CACNA1A: variants seen among roughly 807,000 people sequenced by gnomAD.
CACNA1A encodes the protein voltage-dependent P/Q-type calcium channel subunit alpha-1A.
In CACNA1A, 57 loss-of-function variants were observed where a neutral mutation model predicts 262.4. That is an observed-to-expected ratio of 0.22 (90% CI 0.18 to 0.27). CACNA1A has a LOEUF of 0.27. CACNA1A is among the 10% of genes least tolerant of loss of function. The probability of loss-of-function intolerance (pLI) is 1.00; values close to 1 mark genes in which losing one functional copy is unlikely to be tolerated. For missense variants in CACNA1A, 2,526 were observed against 3,562.8 expected, an observed-to-expected ratio of 0.71 and a Z score of 7.41; for synonymous variants, 1,431 against 1,419.3, an observed-to-expected ratio of 1.01 and a Z score of -0.18.
At chr19:13,226,762 G>A (rs956961825) in intron 37 of CACNA1A, among the ~76,000 whole-genome samples, 5 of 152,278 alleles carry the variant, frequency 3.3e-5, no homozygotes, top group South Asian at 2.1e-4. Context: ...GTGTGCCACC[G>A]TCCAGGGGTC....
intron 3 of CACNA1A, among the ~76,000 whole-genome samples, chr19:13,403,206 C>G (rs965134659): frequency 6.6e-6 from 1 of 151,924 alleles, no homozygotes; most frequent in Admixed American, 6.6e-5. Context: ...AGAGGGTCTC[C>G]TCATCACCTA....
intron 1 of CACNA1A, among the ~76,000 whole-genome samples, chr19:13,499,365 C>T (rs1296606958): frequency 1.4e-5 from 2 of 142,300 alleles, no homozygotes; most frequent in Non-Finnish European, 3.0e-5. Context: ...CCAGAGAGAA[C>T]GGAGAATGCA....
Position 13,327,320 on chromosome 19 carries a change from T to C in CACNA1A, c.1345+2924A>G, listed in dbSNP as rs1600339537. 2.0e-5 allele frequency among the ~76,000 whole-genome samples: 3 copies of C among 151,840 alleles called. No individual in the cohort carries two copies. In the South Asian group the frequency reaches 6.2e-4, roughly 32 times the overall value. The stretch of plus-strand genomic sequence containing the variant: ...GGGCTCCTTTCTTTGTCTTTTTGAG[T>C]AATCAGGCTGATGAGGTGGGTTTTG... On this transcript the variant is annotated intron_variant, in intron 10 of 46. Transcript: ENST00000360228.
At chr19:13,385,494 C>T (rs2144625393) in intron 3 of CACNA1A, among the ~76,000 whole-genome samples, 1 of 152,098 alleles carries the variant, frequency 6.6e-6, no homozygotes, top group African/African-American at 2.4e-5. Context: ...TCCCAAAGTG[C>T]TGGGATTACA....
intron 3 of CACNA1A, among the ~76,000 whole-genome samples, chr19:13,375,655 G>A (rs1424308877): frequency 6.6e-6 from 1 of 152,090 alleles, no homozygotes; most frequent in Non-Finnish European, 1.5e-5. Flanking sequence ...GGGTGTGGTG[G>A]TGCACACCTG....
chr19:13,328,945 T>C (rs994761018), intron 10 of CACNA1A, among the ~76,000 whole-genome samples: 2 of 151,940 alleles, frequency 1.3e-5, no homozygotes, highest in African/African-American at 4.8e-5. Context: ...TCTCTTGCCA[T>C]CCTTTCTTCC....
chr19:13,337,399 T>A (rs564808598), intron 6 of CACNA1A, among the ~76,000 whole-genome samples: 103 of 152,284 alleles, frequency 6.8e-4, no homozygotes, highest in Admixed American at 4.6e-4. Context: ...TGTTTAAACA[T>A]GGCATTCTTC....
At chr19:13,408,934 C>T (rs1027549927) in intron 3 of CACNA1A, among the ~76,000 whole-genome samples, 5 of 152,100 alleles carry the variant, frequency 3.3e-5, no homozygotes, top group Non-Finnish European at 7.4e-5. Flanking sequence ...GGGTCATGAG[C>T]TCTATTAAAA....
chr19:13,376,957 TTA>T (rs796209883), intron 3 of CACNA1A, among the ~76,000 whole-genome samples: 14 of 141,100 alleles, frequency 9.9e-5, no homozygotes, highest in Middle Eastern at 3.7e-3. Flanking sequence ...ATATAACATG[TTA>T]TATATATATA....
chr19:13,217,383 G>A (rs771728126), intron 38 of CACNA1A, among the ~76,000 whole-genome samples: 2 of 152,214 alleles, frequency 1.3e-5, no homozygotes, highest in African/African-American at 2.4e-5. Flanking sequence ...CTGCTGGAAA[G>A]GAAGCTCAGT....
chr19:13,495,587 T>C (rs1981408213), intron 1 of CACNA1A, among the ~76,000 whole-genome samples: 1 of 152,220 alleles, frequency 6.6e-6, no homozygotes, highest in Non-Finnish European at 1.5e-5. Context: ...TATTGATTTT[T>C]ACAAAAGTGT....
intron 6 of CACNA1A, among the ~76,000 whole-genome samples, chr19:13,338,046 C>T (rs571763794): frequency 1.8e-4 from 27 of 152,114 alleles, no homozygotes; most frequent in South Asian, 6.2e-4. Flanking sequence ...GGTGAAACCC[C>T]GTCTCTACTA....
intron 3 of CACNA1A, among the ~76,000 whole-genome samples, chr19:13,422,772 C>T (rs1411276996): frequency 1.3e-5 from 2 of 152,192 alleles, no homozygotes; most frequent in Admixed American, 6.5e-5. Flanking sequence ...ACCCTGGACA[C>T]CAAGGCTCAG....
chr19:13,381,080 G>A (rs1000273965), intron 3 of CACNA1A, among the ~76,000 whole-genome samples: 2 of 152,092 alleles, frequency 1.3e-5, no homozygotes, highest in Admixed American at 6.6e-5. Flanking sequence ...CCAGCCTGAA[G>A]CATTCTAAGA....
chr19:13,496,062 AT>A (rs1981482895), intron 1 of CACNA1A, among the ~76,000 whole-genome samples: 1 of 146,108 alleles, frequency 6.8e-6, no homozygotes, highest in African/African-American at 2.7e-5. Flanking sequence ...CCATCCATCC[AT>A]CCATCCATCC....
intron 1 of CACNA1A, among the ~76,000 whole-genome samples, chr19:13,493,655 C>G (rs1181155385): frequency 6.6e-6 from 1 of 152,326 alleles, no homozygotes; most frequent in African/African-American, 2.4e-5. Context: ...GTGGTAACAG[C>G]AGAGTTTCAA....
intron 1 of CACNA1A, among the ~76,000 whole-genome samples, chr19:13,502,865 T>C (rs1382689017): frequency 1.3e-5 from 2 of 152,166 alleles, no homozygotes; most frequent in Non-Finnish European, 2.9e-5. Flanking sequence ...CATTTGGAAG[T>C]AGCACTCTTA....
At chr19:13,362,021 C>CTA (rs1191780695) in intron 5 of CACNA1A, 50 of 127,534 alleles carry the variant, frequency 3.9e-4, no homozygotes, top group African/African-American at 1.4e-3. Flanking sequence ...CTTCCTCTCT[C>CTA]TCTTTTTTTT....
intron 1 of CACNA1A, among the ~76,000 whole-genome samples, chr19:13,491,226 T>C (rs1980848714): frequency 6.6e-6 from 1 of 152,204 alleles, no homozygotes; most frequent in African/African-American, 2.4e-5. Context: ...ATGTGTGACC[T>C]TGGCAAGCAG....
Sources: allele counts gnomAD v4.1 joint callset (sites outside exome capture counted in the v4.1 genomes callset), GRCh38; gene constraint gnomAD v4.1.1; transcripts MANE v1.5; gene names NCBI Gene and HGNC (gene_info 2026-07-23, HGNC 2026-07-21).